Variants in SDK1 observed in about 807,000 individuals in gnomAD.
The protein encoded by SDK1 is sidekick cell adhesion molecule 1.
A neutral mutation model predicts 245.5 loss-of-function variants in SDK1; 157 were observed. The ratio of observed to expected loss-of-function variants is 0.64; its 90% CI spans 0.56 to 0.73. The LOEUF (loss-of-function observed/expected upper bound fraction) is 0.73. Ranked by LOEUF, SDK1 falls within the 30% of genes least tolerant of loss-of-function variation. The pLI is 0.00. For missense variants in SDK1, 3,583 were observed against 3,002.3 expected (o/e 1.19, Z -4.52); for synonymous variants, 1,647 against 1,278.5 (o/e 1.29, Z -6.15).
chr7:3,638,257 C>G (rs951913378), intron 2 of SDK1, among the ~76,000 whole-genome samples: 14 of 152,166 alleles, frequency 9.2e-5, no homozygotes, highest in African/African-American at 3.4e-4. Flanking sequence ...AAAGAAATAC[C>G]ATTTGACCCA....
intron 1 of SDK1, among the ~76,000 whole-genome samples, chr7:3,434,138 C>G (rs556999773): frequency 1.3e-5 from 2 of 152,108 alleles, no homozygotes; most frequent in African/African-American, 2.4e-5. Context: ...GTAATTTTGG[C>G]GTATTTTGTG....
At chr7:3,610,856 C>T (rs1323126752) in intron 1 of SDK1, among the ~76,000 whole-genome samples, 2 of 152,240 alleles carry the variant, frequency 1.3e-5, no homozygotes, top group African/African-American at 2.4e-5. Flanking sequence ...CCTGCTTTCT[C>T]TGTTTTCACA....
chr7:3,465,916 A>C (rs1780985893), intron 1 of SDK1, among the ~76,000 whole-genome samples: 1 of 152,192 alleles, frequency 6.6e-6, no homozygotes, highest in African/African-American at 2.4e-5. Flanking sequence ...CACATGGTCC[A>C]AGTTGTCTGT....
chr7:3,687,099 A>ACC (rs1784308596), intron 4 of SDK1, among the ~76,000 whole-genome samples: 2 of 147,230 alleles, frequency 1.4e-5, no homozygotes. Context: ...ACACACACAC[A>ACC]CCACCCTGTA....
intron 4 of SDK1, among the ~76,000 whole-genome samples, chr7:3,669,732 AC>A (rs1485901434): frequency 6.6e-6 from 1 of 152,224 alleles, no homozygotes; most frequent in Non-Finnish European, 1.5e-5. Context: ...CAGATGACTC[AC>A]AATTTTACAT....
At chr7:3,909,342 C>T (rs1369781681) in intron 5 of SDK1, among the ~76,000 whole-genome samples, 1 of 152,194 alleles carries the variant, frequency 6.6e-6, no homozygotes, top group Non-Finnish European at 1.5e-5. Flanking sequence ...GGGGCGGACA[C>T]CCCATCTACT....
At chr7:3,547,148 A>G (rs886458901) in intron 1 of SDK1, among the ~76,000 whole-genome samples, 1 of 152,196 alleles carries the variant, frequency 6.6e-6, no homozygotes, top group Non-Finnish European at 1.5e-5. Flanking sequence ...AATGTTTTAA[A>G]ATTACAATTA....
At chr7:3,580,483 A>G (rs1780443763) in intron 1 of SDK1, among the ~76,000 whole-genome samples, 1 of 152,168 alleles carries the variant, frequency 6.6e-6, no homozygotes, top group Admixed American at 6.5e-5. Flanking sequence ...CCCACAGATA[A>G]GGCCATCACA....
intron 1 of SDK1, among the ~76,000 whole-genome samples, chr7:3,572,410 G>C (rs1780144682): frequency 6.6e-6 from 1 of 152,010 alleles, no homozygotes; most frequent in African/African-American, 2.4e-5. Context: ...CATATTCACA[G>C]TGGGTACCAA....
At chr7:3,640,593 G>A (rs914289607) in intron 3 of SDK1, among the ~76,000 whole-genome samples, 2 of 149,738 alleles carry the variant, frequency 1.3e-5, no homozygotes, top group African/African-American at 5.1e-5. Context: ...TATATTTTAA[G>A]AAGAGCTTCA....
At chr7:3,769,461 A>G (rs1342645883) in intron 4 of SDK1, among the ~76,000 whole-genome samples, 1 of 152,160 alleles carries the variant, frequency 6.6e-6, no homozygotes, top group Admixed American at 6.5e-5. Context: ...TCATTAATAT[A>G]TTAATCCATG....
chr7:3,466,547 T>A (rs1781007074), intron 1 of SDK1, among the ~76,000 whole-genome samples: 1 of 150,186 alleles, frequency 6.7e-6, no homozygotes, highest in South Asian at 2.2e-4. Context: ...TTGCACTGCT[T>A]CTGGCAGGTT....
chr7:4,116,021 G>T (rs1783682575), intron 25 of SDK1, among the ~76,000 whole-genome samples: 2 of 152,126 alleles, frequency 1.3e-5, no homozygotes, highest in Admixed American at 6.5e-5. Flanking sequence ...GGCTTTGGGG[G>T]GCTGCCATCC....
In SDK1 at chr7:3,329,036, C is replaced by T. The variant is rs117048032; in HGVS notation, c.298+27152C>T. ...CAATGTAGTCTTTTACGATGTTCAC[C>T]GATGCCGTTTATCCCCTCTCTTGCT... On this transcript the variant is annotated intron_variant, in intron 1 of 44. Transcript: ENST00000404826. Among the ~76,000 whole-genome samples the T allele has an allele frequency of 2.2e-3, 335 of 152,200 alleles. 2 individuals carry two copies. The highest frequency in any genetic ancestry group is 5.0e-3 in the Admixed American group (77 of 15,288).
At chr7:4,169,800 T>C (rs1241379654) in intron 32 of SDK1, among the ~76,000 whole-genome samples, 1 of 152,038 alleles carries the variant, frequency 6.6e-6, no homozygotes, top group African/African-American at 2.4e-5. Context: ...GGCACTGCCC[T>C]CCCTCCCTGC....
intron 25 of SDK1, among the ~76,000 whole-genome samples, chr7:4,121,881 G>A (rs1784086547): frequency 6.6e-6 from 1 of 152,136 alleles, no homozygotes; most frequent in African/African-American, 2.4e-5. Context: ...ATTAGAAACT[G>A]GTGCAACACA....
chr7:3,911,598 C>G (rs1010984864), intron 5 of SDK1, among the ~76,000 whole-genome samples: 1 of 152,200 alleles, frequency 6.6e-6, no homozygotes, highest in South Asian at 2.1e-4. Flanking sequence ...ATGCTATGAC[C>G]TTGGGTAGCA....
intron 1 of SDK1, among the ~76,000 whole-genome samples, chr7:3,431,040 A>G (rs1187753972): frequency 1.3e-5 from 2 of 152,170 alleles, no homozygotes; most frequent in African/African-American, 4.8e-5. Context: ...AGCTGAGACT[A>G]CAGGCACATG....
chr7:3,814,344 TC>T (rs1779457179), intron 4 of SDK1, among the ~76,000 whole-genome samples: 1 of 148,518 alleles, frequency 6.7e-6, no homozygotes, highest in Non-Finnish European at 1.5e-5. Context: ...TAGCCAGTTT[TC>T]CCAGCACCAT....
Sources: allele counts gnomAD v4.1 joint callset (sites outside exome capture counted in the v4.1 genomes callset), GRCh38; gene constraint gnomAD v4.1.1; transcripts MANE v1.5; gene names NCBI Gene and HGNC (gene_info 2026-07-23, HGNC 2026-07-21).